Variants in TSPAN12 observed in about 807,000 individuals in gnomAD.
TSPAN12 encodes the protein tetraspanin 12, also known as tetraspanin-12.
A neutral mutation model predicts 39.2 loss-of-function variants in TSPAN12; 19 were observed. That is an observed-to-expected ratio of 0.49 (90% CI 0.34 to 0.71). The LOEUF (loss-of-function observed/expected upper bound fraction) is 0.71, where lower values mean the gene tolerates loss of function less well. Among genes scored for constraint, TSPAN12 ranks in the 30% least tolerant of loss-of-function variants. The probability of loss-of-function intolerance (pLI) is 0.01; values close to 1 mark genes in which losing one functional copy is unlikely to be tolerated. For missense variants in TSPAN12, 314 were observed against 359.9 expected (o/e 0.87, Z 1.03); for synonymous variants, 119 against 124.8 (o/e 0.95, Z 0.31).
intron 4 of TSPAN12, among the ~76,000 whole-genome samples, chr7:120,829,799 A>T (rs1483452019): frequency 6.6e-6 from 1 of 152,186 alleles, no homozygotes; most frequent in Non-Finnish European, 1.5e-5. Flanking sequence ...ATTTAACTAA[A>T]ATTATCTCAA....
intron 2 of TSPAN12, among the ~76,000 whole-genome samples, chr7:120,843,196 A>C (rs1258338089): frequency 2.0e-5 from 3 of 152,194 alleles, no homozygotes; most frequent in African/African-American, 7.2e-5. Context: ...CAGATTGTAA[A>C]ACTCATAAAA....
intron 4 of TSPAN12, among the ~76,000 whole-genome samples, chr7:120,834,823 G>A (rs1404312131): frequency 6.6e-6 from 1 of 152,118 alleles, no homozygotes; most frequent in East Asian, 1.9e-4. Context: ...AAAGGTTAAA[G>A]GGCACACAAA....
At chr7:120,839,342 C>T (rs1794536495) in intron 3 of TSPAN12, among the ~76,000 whole-genome samples, 3 of 152,056 alleles carry the variant, frequency 2.0e-5, no homozygotes, top group South Asian at 2.1e-4. Flanking sequence ...TGATCCTCCC[C>T]CAAAATGTAA....
intron 5 of TSPAN12, among the ~76,000 whole-genome samples, chr7:120,811,531 G>A (rs896544281): frequency 6.6e-6 from 1 of 151,680 alleles, no homozygotes; most frequent in African/African-American, 2.4e-5. Context: ...ATTAGCCGGT[G>A]TAGTGGCGGG....
intron 6 of TSPAN12, among the ~76,000 whole-genome samples, chr7:120,808,684 G>A (rs780166777): frequency 6.6e-6 from 1 of 152,036 alleles, no homozygotes; most frequent in Admixed American, 6.6e-5. Flanking sequence ...TTAAACAAAC[G>A]TCACTGGGGC....
chr7:120,824,358 A>C (rs916097874), intron 4 of TSPAN12, among the ~76,000 whole-genome samples: 2 of 151,640 alleles, frequency 1.3e-5, no homozygotes, highest in Non-Finnish European at 2.9e-5. Flanking sequence ...AGGAGAATCG[A>C]TTGAACCTGG....
At chr7:120,812,130 C>G (rs1168674847) in intron 5 of TSPAN12, among the ~76,000 whole-genome samples, 1 of 152,164 alleles carries the variant, frequency 6.6e-6, no homozygotes, top group African/African-American at 2.4e-5. Flanking sequence ...CTCCAATCAC[C>G]TAGCACCATG....
chr7:120,850,967 G>A (rs1794759401), intron 2 of TSPAN12, among the ~76,000 whole-genome samples: 2 of 152,144 alleles, frequency 1.3e-5, no homozygotes. Context: ...TGGGATTACA[G>A]GCATGAGACA....
chr7:120,846,791 CAT>C (rs955093112), intron 2 of TSPAN12, among the ~76,000 whole-genome samples: 6 of 152,154 alleles, frequency 3.9e-5, no homozygotes, highest in African/African-American at 1.4e-4. Flanking sequence ...GCTGAGAAGA[CAT>C]AGTACAAGTT....
chr7:120,815,633 TC>T (rs2116387341), intron 5 of TSPAN12, 95 bp downstream of exon 5: 1 of 1,138,570 alleles, frequency 8.8e-7, no homozygotes, highest in East Asian at 2.6e-5. Flanking sequence ...CTTGGGCAGT[TC>T]TTTCATAGCG....
chr7:120,823,171 G>T (rs1187220248), intron 4 of TSPAN12, among the ~76,000 whole-genome samples: 3 of 151,992 alleles, frequency 2.0e-5, no homozygotes, highest in East Asian at 1.9e-4. Context: ...GAAACAGAGG[G>T]TCTAAAATAA....
chr7:120,835,687 A>C (rs1187964379), intron 4 of TSPAN12, among the ~76,000 whole-genome samples: 2 of 152,218 alleles, frequency 1.3e-5, no homozygotes, highest in Non-Finnish European at 2.9e-5. Flanking sequence ...TCATTTAAAA[A>C]AAATTCAGGT....
At chr7:120,829,104 CT>C (rs1399062963) in intron 4 of TSPAN12, among the ~76,000 whole-genome samples, 1 of 152,034 alleles carries the variant, frequency 6.6e-6, no homozygotes, top group African/African-American at 2.4e-5. Context: ...AAATGCGCTG[CT>C]TAACAGAAAT....
At chr7:120,827,995 A>T (rs191681940) in intron 4 of TSPAN12, among the ~76,000 whole-genome samples, 80 of 152,316 alleles carry the variant, frequency 5.3e-4, no homozygotes, top group South Asian at 1.2e-3. Context: ...TATTTTTAGT[A>T]TCAAATCTGA....
In TSPAN12 at chr7:120,788,528, A is replaced by G; in HGVS notation, c.*64T>C. ...TCTACATATTTCTGAAACACATAGT[A>G]TGTACTCAAAAATTCACAAGTCCAG... On this transcript the variant is annotated 3_prime_UTR_variant, in exon 8 of 8. Transcript: ENST00000222747. The G allele has an allele frequency of 1.3e-6, 2 of 1,566,354 alleles. No homozygotes were observed. The highest frequency in any genetic ancestry group is 1.8e-6 in the Non-Finnish European group (2 of 1,137,336).
At position 120,825,262 on chromosome 7, in the gene TSPAN12, G is replaced by C. The variant is rs140072179; in HGVS notation, c.286-9459C>G. ...AGTAAAAAGTATAAACAACATAAAA[G>C]TTATTTTAACTTACTGTTCTCTGAA... On this transcript the variant is annotated intron_variant, in intron 4 of 7. Coordinates refer to ENST00000222747, the MANE Select transcript of TSPAN12 (RefSeq NM_012338.4). 5.7e-3 allele frequency among the ~76,000 whole-genome samples: 865 copies of C among 152,128 alleles called. 5 individuals carry two copies. Among genetic ancestry groups the C allele is most frequent in the Middle Eastern group, 0.01 (3 of 294 alleles).
chr7:120,857,686 G>A (rs1794901813), intron 1 of TSPAN12, 134 bp downstream of exon 1: 1 of 152,216 alleles, frequency 6.6e-6, no homozygotes, highest in African/African-American at 2.4e-5. Flanking sequence ...CCCCGGCAGG[G>A]CGCGAGGGGA....
chr7:120,804,012 G>A (rs1458183113), intron 7 of TSPAN12, among the ~76,000 whole-genome samples: 2 of 152,082 alleles, frequency 1.3e-5, no homozygotes, highest in Non-Finnish European at 2.9e-5. Flanking sequence ...GGAAGATCCG[G>A]TAAGTTGATC....
chr7:120,810,497 C>G lies in TSPAN12; in HGVS notation c.434G>C (p.Trp145Ser). Residue 145 changes from tryptophan to serine, a missense_variant, in exon 6 of 8, where the codon TGG becomes TCG. Physicochemically the swap from Trp to Ser is radical, Grantham distance 177 (BLOSUM62 -3). Transcript: ENST00000222747. ...MTNYGLPRYR[W>S]LTHAWNFFQR... ...AAAAAAATTCCAAGCATGAGTAAGC[C>G]ACCGATATCTAGGTAATCCATAATT... 6.2e-7 allele frequency: 1 copy of G among 1,613,722 alleles called. No homozygotes were observed. Among genetic ancestry groups the G allele is most frequent in the Non-Finnish European group, 8.5e-7 (1 of 1,179,840 alleles).
Sources: allele counts gnomAD v4.1 joint callset (sites outside exome capture counted in the v4.1 genomes callset), GRCh38; gene constraint gnomAD v4.1.1; transcripts MANE v1.5; gene names NCBI Gene and HGNC (gene_info 2026-07-23, HGNC 2026-07-21).